Variants in STAG1 observed in about 807,000 individuals in gnomAD.
STAG1 encodes STAG1 cohesin complex component.
A neutral mutation model predicts 170.9 loss-of-function variants in STAG1; 26 were observed. The ratio of observed to expected loss-of-function variants is 0.15; its 90% CI spans 0.11 to 0.21. STAG1 has a LOEUF of 0.21. Among genes scored for constraint, STAG1 ranks in the 10% least tolerant of loss-of-function variants. The probability of loss-of-function intolerance (pLI) is 1.00; values close to 1 mark genes in which losing one functional copy is unlikely to be tolerated. For synonymous variants in STAG1, 514 were observed against 497.7 expected (o/e 1.03, Z -0.44); for missense variants, 964 against 1,509.5 (o/e 0.64, Z 5.99).
chr3:136,500,092 C>G (rs1933388330), intron 9 of STAG1, 131 bp downstream of exon 9: 1 of 619,190 alleles, frequency 1.6e-6, no homozygotes, highest in Non-Finnish European at 2.9e-6. Flanking sequence ...GTGACACTGA[C>G]AGCCAAAGTT....
At chr3:136,585,488 C>T (rs1436538617) in intron 4 of STAG1, among the ~76,000 whole-genome samples, 1 of 151,792 alleles carries the variant, frequency 6.6e-6, no homozygotes, top group African/African-American at 2.4e-5. Context: ...GCATGGTGGC[C>T]TGTAATCTCA....
At chr3:136,602,657 C>A (rs760873878) in intron 4 of STAG1, among the ~76,000 whole-genome samples, 1 of 151,940 alleles carries the variant, frequency 6.6e-6, no homozygotes, top group African/African-American at 2.4e-5. Context: ...TTCAGACCAG[C>A]CTGGCCAATA....
At chr3:136,560,318 T>C (rs985627821) in intron 5 of STAG1, among the ~76,000 whole-genome samples, 13 of 152,298 alleles carry the variant, frequency 8.5e-5, no homozygotes, top group Admixed American at 5.9e-4. Flanking sequence ...AAACTACTTA[T>C]CAAAAACCAT....
rs142369491 is a variant in STAG1 at position 136,492,755 on chromosome 3, C to T, written c.902+7468G>A. Among the ~76,000 whole-genome samples, 887 of 151,984 alleles carry T rather than the reference C, an allele frequency of 5.8e-3. 7 individuals are homozygous for T. The highest frequency in any genetic ancestry group is 0.019 in the African/African-American group (794 of 41,446). Reference sequence around the variant, plus strand: ...AACACGATACAATAACTAAATTCCACGGGAAAAAATGAAGAATGTCAAAAA... The same window carrying T: ...AACACGATACAATAACTAAATTCCATGGGAAAAAATGAAGAATGTCAAAAA... On this transcript the variant is annotated intron_variant, in intron 9 of 33. Transcript: ENST00000383202.
chr3:136,403,265 A>C (rs1207372757), intron 21 of STAG1, among the ~76,000 whole-genome samples: 4 of 147,028 alleles, frequency 2.7e-5, no homozygotes, highest in Non-Finnish European at 3.0e-5. Context: ...AAAAGAAAAG[A>C]AAAAAAAAAG....
chr3:136,683,912 A>T (rs1236157958), intron 1 of STAG1, among the ~76,000 whole-genome samples: 3 of 152,218 alleles, frequency 2.0e-5, no homozygotes, highest in African/African-American at 7.2e-5. Flanking sequence ...TTGACATTTA[A>T]AACTCAATAC....
intron 3 of STAG1, among the ~76,000 whole-genome samples, chr3:136,605,082 C>A (rs1938870137): frequency 6.6e-6 from 1 of 152,166 alleles, no homozygotes; most frequent in Admixed American, 6.6e-5. Context: ...AAATCTTGTA[C>A]AGAAAACATT....
chr3:136,734,114 AAAAAAAAAAC>A (rs1934200492), intron 1 of STAG1, among the ~76,000 whole-genome samples: 2 of 151,738 alleles, frequency 1.3e-5, no homozygotes, highest in African/African-American at 2.4e-5. Context: ...ATCTCAAAAA[AAAAAAAAAAC>A]AAAACAAAAC....
chr3:136,679,903 GAAAT>G (rs1011156430), intron 1 of STAG1, among the ~76,000 whole-genome samples: 2 of 151,300 alleles, frequency 1.3e-5, no homozygotes, highest in African/African-American at 4.9e-5. Context: ...CTCTGTCTCA[GAAAT>G]AAATAAAAGC....
At chr3:136,421,399 T>G in intron 19 of STAG1, among the ~76,000 whole-genome samples, 1 of 152,302 alleles carries the variant, frequency 6.6e-6, no homozygotes, top group Non-Finnish European at 1.5e-5. Flanking sequence ...TCTGATACTA[T>G]AGATAAAACC....
chr3:136,498,233 T>TATATATATATATATATATATACAC lies in STAG1; in HGVS notation c.902+1989_902+1990insGTGTATATATATATATATATATAT. On this transcript the variant is annotated intron_variant, in intron 9 of 33. Transcript: ENST00000383202. ...AATTATATATATATATATATATATA[T>TATATATATATATATATATATACAC]ACACATACATATACATACACACACA... is the stretch of plus-strand genomic sequence containing the variant. Among the ~76,000 whole-genome samples the TATATATATATATATATATATACAC allele has an allele frequency of 4.5e-3, 257 of 57,370 alleles. 12 individuals carry two copies. Among genetic ancestry groups the TATATATATATATATATATATACAC allele is most frequent in the East Asian group, 8.7e-3 (4 of 460 alleles). The allele number at this position is 57,370 out of a possible 152,430, so 37.6% of individuals were successfully genotyped here.
intron 6 of STAG1, among the ~76,000 whole-genome samples, chr3:136,539,593 G>A (rs1395082003): frequency 6.6e-6 from 1 of 152,184 alleles, no homozygotes; most frequent in Non-Finnish European, 1.5e-5. Context: ...ATATGAAGGT[G>A]CAATTCCAAA....
At chr3:136,568,023 G>A (rs1163635676) in intron 5 of STAG1, among the ~76,000 whole-genome samples, 1 of 151,676 alleles carries the variant, frequency 6.6e-6, no homozygotes, top group African/African-American at 2.4e-5. Flanking sequence ...CTCGTATAAG[G>A]GTGGTGCTCT....
intron 1 of STAG1, among the ~76,000 whole-genome samples, chr3:136,701,100 T>G (rs888674846): frequency 3.3e-5 from 5 of 151,920 alleles, no homozygotes; most frequent in Non-Finnish European, 7.4e-5. Flanking sequence ...CAGGCTGGTC[T>G]CAAACTCTTG....
intron 21 of STAG1, among the ~76,000 whole-genome samples, chr3:136,401,000 C>T (rs913987102): frequency 6.6e-6 from 1 of 152,116 alleles, no homozygotes; most frequent in East Asian, 1.9e-4. Context: ...AAAATCCAGT[C>T]TCACAAAGTA....
At chr3:136,514,862 T>G (rs1934268349) in intron 7 of STAG1, among the ~76,000 whole-genome samples, 1 of 151,422 alleles carries the variant, frequency 6.6e-6, no homozygotes, top group Non-Finnish European at 1.5e-5. Flanking sequence ...AATTGAACAC[T>G]GAGAACACTT....
At chr3:136,371,165 A>G (rs986673749) in intron 23 of STAG1, among the ~76,000 whole-genome samples, 4 of 152,246 alleles carry the variant, frequency 2.6e-5, no homozygotes, top group Admixed American at 6.5e-5. Flanking sequence ...TTCTTTTGAG[A>G]AGTGCCTGTT....
At chr3:136,533,523 G>C (rs768553737) in intron 6 of STAG1, among the ~76,000 whole-genome samples, 1 of 152,152 alleles carries the variant, frequency 6.6e-6, no homozygotes, top group Non-Finnish European at 1.5e-5. Flanking sequence ...CCTCAAGGAT[G>C]CTTATAATCA....
chr3:136,675,646 A>G (rs1189945917), intron 1 of STAG1, among the ~76,000 whole-genome samples: 1 of 152,134 alleles, frequency 6.6e-6, no homozygotes, highest in Non-Finnish European at 1.5e-5. Context: ...ACCACTGTCT[A>G]ATTTCAGAAC....
Sources: allele counts gnomAD v4.1 joint callset (sites outside exome capture counted in the v4.1 genomes callset), GRCh38; gene constraint gnomAD v4.1.1; transcripts MANE v1.5; gene names NCBI Gene and HGNC (gene_info 2026-07-23, HGNC 2026-07-21).